The following THSD4 variants were observed in gnomAD, a reference collection of about 807,000 sequenced individuals.
THSD4 encodes the protein thrombospondin type-1 domain-containing protein 4.
Under a neutral mutation model 119.0 loss-of-function variants are expected in THSD4, and 69 were observed. The observed-to-expected ratio is 0.58, with a 90% CI of 0.48 to 0.71. The LOEUF (loss-of-function observed/expected upper bound fraction) is 0.71. Ranked by LOEUF, THSD4 falls within the 30% of genes least tolerant of loss-of-function variation. The pLI, the probability that THSD4 is intolerant of heterozygous loss-of-function variation, is 0.00. For missense variants in THSD4, 1,393 were observed against 1,391.1 expected, an observed-to-expected ratio of 1.00 and a Z score of -0.02; for synonymous variants, 524 against 540.4, an observed-to-expected ratio of 0.97 and a Z score of 0.42.
At chr15:71,502,311 T>C (rs1349784505) in intron 7 of THSD4, among the ~76,000 whole-genome samples, 2 of 152,174 alleles carry the variant, frequency 1.3e-5, no homozygotes, top group Non-Finnish European at 2.9e-5. Flanking sequence ...ACACTTATCA[T>C]GTGCTATGGA....
chr15:71,621,432 A>C (rs933334243), intron 7 of THSD4, among the ~76,000 whole-genome samples: 3 of 152,186 alleles, frequency 2.0e-5, no homozygotes, highest in Admixed American at 2.0e-4. Context: ...GCTATGAAAC[A>C]CTAACTTTAT....
At chr15:71,303,617 G>A (rs973093932) in intron 6 of THSD4, among the ~76,000 whole-genome samples, 3 of 152,096 alleles carry the variant, frequency 2.0e-5, no homozygotes, top group African/African-American at 7.2e-5. Flanking sequence ...TCTCTTTCCA[G>A]TTTTCCCAGC....
chr15:71,741,829 C>G (rs1342593001), intron 11 of THSD4, among the ~76,000 whole-genome samples: 2 of 152,196 alleles, frequency 1.3e-5, no homozygotes, highest in Non-Finnish European at 2.9e-5. Flanking sequence ...GAAGAGGTGC[C>G]TTGGAAATAA....
chr15:71,727,054 A>G (rs1175389087), intron 8 of THSD4, among the ~76,000 whole-genome samples: 1 of 151,886 alleles, frequency 6.6e-6, no homozygotes, highest in Non-Finnish European at 1.5e-5. Flanking sequence ...TTCTCCTGTT[A>G]ACTCCAACAC....
At chr15:71,579,056 G>C (rs1425035395) in intron 7 of THSD4, among the ~76,000 whole-genome samples, 2 of 151,834 alleles carry the variant, frequency 1.3e-5, no homozygotes, top group African/African-American at 4.8e-5. Context: ...TGTTAGCCAG[G>C]ATAGTCTCGA....
chr15:71,499,175 T>C (rs536412470), intron 7 of THSD4, among the ~76,000 whole-genome samples: 2 of 152,290 alleles, frequency 1.3e-5, no homozygotes, highest in East Asian at 1.9e-4. Flanking sequence ...TCTGGTCTAA[T>C]TGATGCAACT....
At chr15:71,256,217 G>A (rs1311375359) in intron 5 of THSD4, among the ~76,000 whole-genome samples, 1 of 152,190 alleles carries the variant, frequency 6.6e-6, no homozygotes, top group Non-Finnish European at 1.5e-5. Flanking sequence ...GCTGACGCCT[G>A]TAATCCCAGC....
intron 7 of THSD4, among the ~76,000 whole-genome samples, chr15:71,415,455 G>A (rs2046746926): frequency 6.6e-6 from 1 of 152,122 alleles, no homozygotes; most frequent in Non-Finnish European, 1.5e-5. Context: ...GAGATAATTT[G>A]ATACAGGCAA....
intron 7 of THSD4, among the ~76,000 whole-genome samples, chr15:71,631,853 C>G (rs982976959): frequency 2.0e-5 from 3 of 152,154 alleles, no homozygotes; most frequent in East Asian, 3.9e-4. Context: ...CTCTGGGTTT[C>G]GGTTCAGGGA....
chr15:71,261,734 G>C (rs561947345), intron 6 of THSD4, among the ~76,000 whole-genome samples: 1 of 152,182 alleles, frequency 6.6e-6, no homozygotes, highest in Non-Finnish European at 1.5e-5. Flanking sequence ...TTCTTTACTG[G>C]AAGCCACTGA....
intron 1 of THSD4, among the ~76,000 whole-genome samples, chr15:71,121,015 T>C (rs2040404469): frequency 6.6e-6 from 1 of 152,244 alleles, no homozygotes; most frequent in African/African-American, 2.4e-5. Flanking sequence ...ATAAATGGAC[T>C]GCTGGGAGGC....
Position 71,236,709 on chromosome 15 carries a change from C to T in THSD4, c.465-5940C>T, listed in dbSNP as rs561815330. Reference sequence around the variant, plus strand: ...ATTATGTGCTAGTCATTGTAGTAGGCTATAGGGATATAAGAAATAAGGCAT... The same window carrying T: ...ATTATGTGCTAGTCATTGTAGTAGGTTATAGGGATATAAGAAATAAGGCAT... On this transcript the variant is annotated intron_variant, in intron 4 of 17. Coordinates refer to ENST00000261862, the MANE Select transcript of THSD4 (RefSeq NM_024817.3). Among the ~76,000 whole-genome samples, 26 of 152,212 alleles carry T rather than the reference C, an allele frequency of 1.7e-4. 1 individual carries two copies. The highest frequency in any genetic ancestry group is 2.2e-4 in the Non-Finnish European group (15 of 68,042).
intron 8 of THSD4, among the ~76,000 whole-genome samples, chr15:71,718,655 C>T (rs1435924540): frequency 3.3e-5 from 5 of 152,168 alleles, no homozygotes; most frequent in Non-Finnish European, 5.9e-5. Flanking sequence ...TCTCCAGGGG[C>T]TCCCATCTAT....
rs2049597880 is a variant in THSD4, at chr15:71,583,454, CTTTG to C, written c.1153-77072_1153-77069del. Among the ~76,000 whole-genome samples, 5 of 131,872 alleles carry C rather than the reference CTTTG, an allele frequency of 3.8e-5. No homozygotes were observed. In the South Asian group the frequency reaches 1.3e-3, roughly 33 times the overall value. 86.5% of individuals were successfully genotyped at this position (131,872 alleles called of 152,430 possible). Reference sequence around the variant, plus strand: ...CTTTCTTCCTTCTGTGAATTTTGGGCTTTGTTTTTTTTTTCCTAGTTCTTTGAGG... The same window carrying C: ...CTTTCTTCCTTCTGTGAATTTTGGGCTTTTTTTTTTCCTAGTTCTTTGAGG... On this transcript the variant is annotated intron_variant, in intron 7 of 17. Coordinates refer to ENST00000261862, the MANE Select transcript of THSD4 (RefSeq NM_024817.3).
rs576065135 is a variant in THSD4 at position 71,300,956 on chromosome 15, T to C, written c.1015+44241T>C. On this transcript the variant is annotated intron_variant, in intron 6 of 17. Transcript: ENST00000261862. ...AAGGAATATGGGTTTAATTAGATAA[T>C]TTTCTTTTAGGACACAAGAATTTGC... 1.2e-4 allele frequency among the ~76,000 whole-genome samples: 18 copies of C among 152,318 alleles called. 1 individual carries two copies. The South Asian group carries it at 3.7e-3, about 32-fold the overall frequency.
At chr15:71,163,172 C>G (rs2043262223) in intron 3 of THSD4, among the ~76,000 whole-genome samples, 1 of 151,080 alleles carries the variant, frequency 6.6e-6, no homozygotes, top group African/African-American at 2.4e-5. Flanking sequence ...TTATTATGCT[C>G]CTTTAGGGGT....
intron 6 of THSD4, among the ~76,000 whole-genome samples, chr15:71,402,220 TATA>T (rs1438053890): frequency 6.7e-6 from 1 of 148,300 alleles, no homozygotes; most frequent in Non-Finnish European, 1.5e-5. Context: ...CCTGTTAAAG[TATA>T]ATAATTAAAA....
intron 15 of THSD4, among the ~76,000 whole-genome samples, chr15:71,762,023 G>C (rs924096011): frequency 1.3e-5 from 2 of 152,150 alleles, no homozygotes; most frequent in African/African-American, 2.4e-5. Flanking sequence ...TGTGCATTTG[G>C]ACTATAGTTT....
chr15:71,540,358 G>C (rs1160544506), intron 7 of THSD4, among the ~76,000 whole-genome samples: 1 of 150,470 alleles, frequency 6.6e-6, no homozygotes, highest in Non-Finnish European at 1.5e-5. Flanking sequence ...GGCTGGTCTC[G>C]AACTCCTGAC....
Sources: allele counts gnomAD v4.1 joint callset (sites outside exome capture counted in the v4.1 genomes callset), GRCh38; gene constraint gnomAD v4.1.1; transcripts MANE v1.5; gene names NCBI Gene and HGNC (gene_info 2026-07-23, HGNC 2026-07-21).